The following SPMAP2L variants were observed in gnomAD, a reference collection of about 807,000 sequenced individuals.
SPMAP2L encodes sperm microtubule associated protein 2 like.
At chr4:56,592,951 C>T in the SPMAP2L span, 1 of 1,604,012 alleles carries the variant, frequency 6.2e-7, no homozygotes, top group Non-Finnish European at 8.5e-7. Context: ...TCCCTGCCAA[C>T]ATCCATTTGA....
chr4:56,594,205 C>T, the SPMAP2L span: 1 of 1,612,138 alleles, frequency 6.2e-7, no homozygotes, highest in Non-Finnish European at 8.5e-7. Flanking sequence ...TCAAGAGGAC[C>T]AGCCCGTTCC....
the SPMAP2L span, among the ~76,000 whole-genome samples, chr4:56,622,552 A>C: frequency 1.3e-5 from 2 of 152,244 alleles, no homozygotes; most frequent in East Asian, 3.8e-4. Context: ...AAGGTGTTTA[A>C]CAAAGTGCTT....
At chr4:56,625,477 C>T in the SPMAP2L span, among the ~76,000 whole-genome samples, 1 of 152,012 alleles carries the variant, frequency 6.6e-6, no homozygotes, top group Non-Finnish European at 1.5e-5. Context: ...ATGTTCCCAC[C>T]CAAATCTCAA....
At chr4:56,601,546 C>G in the SPMAP2L span, among the ~76,000 whole-genome samples, 3 of 152,080 alleles carry the variant, frequency 2.0e-5, no homozygotes, top group Non-Finnish European at 4.4e-5. Context: ...ATCGCTTGAG[C>G]CCAGGAGTTT....
the SPMAP2L span, among the ~76,000 whole-genome samples, chr4:56,548,414 C>T: frequency 6.6e-6 from 1 of 152,046 alleles, no homozygotes; most frequent in East Asian, 1.9e-4. Context: ...AGACTATTAA[C>T]CCTTTATCAT....
the SPMAP2L span, among the ~76,000 whole-genome samples, chr4:56,595,864 T>C: frequency 6.6e-6 from 1 of 152,184 alleles, no homozygotes; most frequent in Non-Finnish European, 1.5e-5. Flanking sequence ...TCGAGGTAAA[T>C]GTAAATACAG....
chr4:56,586,573 G>A, the SPMAP2L span, among the ~76,000 whole-genome samples: 1 of 152,184 alleles, frequency 6.6e-6, no homozygotes, highest in Non-Finnish European at 1.5e-5. Context: ...CCTGTGTGTG[G>A]TGCCCAGGCT....
At chr4:56,594,853 C>T in the SPMAP2L span, 444,689 of 1,603,932 alleles carry the variant, frequency 0.28, 66,111 homozygotes, top group African/African-American at 0.51. Flanking sequence ...CAAATATGAA[C>T]GCTCAGGTGG....
At chr4:56,588,837 C>A in the SPMAP2L span, among the ~76,000 whole-genome samples, 1 of 152,162 alleles carries the variant, frequency 6.6e-6, no homozygotes, top group Non-Finnish European at 1.5e-5. Context: ...CATTCTCCTA[C>A]TTGTGGCTAG....
chr4:56,592,451 T>A, the SPMAP2L span, among the ~76,000 whole-genome samples: 1 of 152,200 alleles, frequency 6.6e-6, no homozygotes, highest in Non-Finnish European at 1.5e-5. Flanking sequence ...AAAAGCTACG[T>A]TGGGGAGCCA....
the SPMAP2L span, among the ~76,000 whole-genome samples, chr4:56,564,226 C>T: frequency 4.0e-5 from 6 of 151,536 alleles, no homozygotes; most frequent in African/African-American, 1.5e-4. Flanking sequence ...CTCCACCTCC[C>T]AGGCTCAAGC....
At chr4:56,599,902 A>G in the SPMAP2L span, among the ~76,000 whole-genome samples, 1 of 152,268 alleles carries the variant, frequency 6.6e-6, no homozygotes, top group African/African-American at 2.4e-5. Context: ...AACATATGAA[A>G]ATAAAACTCA....
the SPMAP2L span, among the ~76,000 whole-genome samples, chr4:56,608,852 G>C: frequency 6.6e-6 from 1 of 152,088 alleles, no homozygotes. Context: ...AGCCCACCTG[G>C]GTGAACCTTA....
At chr4:56,593,583 G>A in the SPMAP2L span, 420 of 1,603,044 alleles carry the variant, frequency 2.6e-4, 1 homozygote, top group African/African-American at 4.9e-3. Context: ...GGAGAATTTG[G>A]GGTAGACATC....
At chr4:56,586,885 G>A in the SPMAP2L span, among the ~76,000 whole-genome samples, 4 of 151,120 alleles carry the variant, frequency 2.6e-5, no homozygotes, top group African/African-American at 9.8e-5. Flanking sequence ...ATTAAGAGAA[G>A]TGTCAAAGAA....
the SPMAP2L span, among the ~76,000 whole-genome samples, chr4:56,564,541 C>T: frequency 6.6e-5 from 10 of 152,120 alleles, no homozygotes; most frequent in African/African-American, 1.9e-4. Context: ...ATCCCCTCAA[C>T]CCCTCATTTC....
the SPMAP2L span, among the ~76,000 whole-genome samples, chr4:56,578,826 C>G: frequency 9.2e-5 from 14 of 151,926 alleles, no homozygotes; most frequent in East Asian, 2.3e-3. Flanking sequence ...GTATCTCACA[C>G]CAGCACTTTG....
At chr4:56,540,352 G>A in the SPMAP2L span, among the ~76,000 whole-genome samples, 13 of 152,116 alleles carry the variant, frequency 8.5e-5, no homozygotes, top group Non-Finnish European at 1.3e-4. Context: ...AGACCAGCCT[G>A]GCCAACATGC....
chr4:56,533,147 A>C, the SPMAP2L span, among the ~76,000 whole-genome samples: 1 of 152,138 alleles, frequency 6.6e-6, no homozygotes, highest in East Asian at 1.9e-4. Flanking sequence ...CCTTGCCTGC[A>C]CTTGGAATAA....
Sources: gnomAD v4.1 joint callset for allele counts (sites outside exome capture counted in the v4.1 genomes callset) on GRCh38, gnomAD v4.1.1 for gene constraint, MANE v1.5 for transcripts, NCBI Gene and HGNC (gene_info 2026-07-23, HGNC 2026-07-21) for gene names.